The following AKAIN1 variants were observed in gnomAD, a reference collection of about 807,000 sequenced individuals.
The protein encoded by AKAIN1 is A-kinase anchor inhibitor 1.
In AKAIN1, 3 loss-of-function variants were observed where a neutral mutation model predicts 3.7. The observed-to-expected ratio is 0.82, with a 90% CI of 0.37 to 2.12. AKAIN1 has a LOEUF of 2.12. AKAIN1 is among the 30% of genes most tolerant of loss of function. The pLI, the probability that AKAIN1 is intolerant of heterozygous loss-of-function variation, is 0.06. For missense variants in AKAIN1, 82 were observed against 82.7 expected (o/e 0.99, Z 0.03); for synonymous variants, 31 against 30.8 (o/e 1.01, Z -0.02).
At chr18:5,148,034 A>C (rs1319720294) in intron 1 of AKAIN1, among the ~76,000 whole-genome samples, 1 of 152,242 alleles carries the variant, frequency 6.6e-6, no homozygotes, top group African/African-American at 2.4e-5. Flanking sequence ...TAAAATGGGC[A>C]AGTATCATTA....
intron 1 of AKAIN1, among the ~76,000 whole-genome samples, chr18:5,192,442 TTTC>T (rs1253954629): frequency 4.6e-5 from 6 of 129,138 alleles, no homozygotes; most frequent in African/African-American, 9.1e-5. Context: ...TCTTTCTTTC[TTTC>T]TTTTTCTTTT....
chr18:5,175,559 C>T (rs1161364338), intron 1 of AKAIN1, among the ~76,000 whole-genome samples: 1 of 152,104 alleles, frequency 6.6e-6, no homozygotes, highest in African/African-American at 2.4e-5. Context: ...TCAGCCCTTC[C>T]TAACTCATCA....
intron 1 of AKAIN1, among the ~76,000 whole-genome samples, chr18:5,168,105 C>T (rs1472916202): frequency 1.3e-5 from 2 of 152,042 alleles, no homozygotes; most frequent in Non-Finnish European, 2.9e-5. Flanking sequence ...AATTTTGCTC[C>T]TTTTGTTGAT....
chr18:5,189,572 A>G (rs996013628), intron 1 of AKAIN1, among the ~76,000 whole-genome samples: 3 of 152,196 alleles, frequency 2.0e-5, no homozygotes, highest in African/African-American at 4.8e-5. Flanking sequence ...GCTCTCAGGC[A>G]TGGACACAAT....
chr18:5,168,042 C>G (rs1335931256), intron 1 of AKAIN1, among the ~76,000 whole-genome samples: 2 of 152,080 alleles, frequency 1.3e-5, no homozygotes, highest in African/African-American at 2.4e-5. Flanking sequence ...TTTCCTTTCC[C>G]TGTACCCAAA....
At position 5,145,344 on chromosome 18, in the gene AKAIN1, GC is replaced by G. The variant is rs2071042362; in HGVS notation, c.*217del. The G allele has an allele frequency of 5.1e-6, 2 of 389,974 alleles. No homozygotes were observed. The highest frequency in any genetic ancestry group is 4.3e-5 in the Admixed American group (1 of 23,082). The allele number at this position is 389,974 out of a possible 1,614,324, so 24.2% of individuals were successfully genotyped here. ...TTTTGCAATTACAGTGTCATATTTG[GC>G]CCCACTATGTCTCAGAGGCACTGCA... On this transcript the variant is annotated 3_prime_UTR_variant, in exon 2 of 2. Transcript: ENST00000434239.
At chr18:5,160,486 G>A (rs2143328837) in intron 1 of AKAIN1, among the ~76,000 whole-genome samples, 1 of 152,144 alleles carries the variant, frequency 6.6e-6, no homozygotes, top group African/African-American at 2.4e-5. Context: ...TATATGTGCA[G>A]CAGATACTTC....
chr18:5,173,477 G>C (rs548514197), intron 1 of AKAIN1, among the ~76,000 whole-genome samples: 1 of 152,278 alleles, frequency 6.6e-6, no homozygotes, highest in Non-Finnish European at 1.5e-5. Context: ...TTACATTTTA[G>C]TTGGAATAAA....
At position 5,145,401 on chromosome 18, in the gene AKAIN1, T is replaced by C. The variant is rs2071042881; in HGVS notation, c.*161A>G. The C allele has an allele frequency of 2.0e-5, 12 of 595,158 alleles. No individual in the cohort carries two copies. Among genetic ancestry groups the C allele is most frequent in the Non-Finnish European group, 3.3e-5 (11 of 337,124 alleles). The allele number at this position is 595,158 out of a possible 1,614,324, so 36.9% of individuals were successfully genotyped here. The stretch of plus-strand genomic sequence containing the variant: ...ATGAACAGAATCGTCTAATGCACTT[T>C]TTCAAAACAGTGCTTCTCAGCCAGG... On this transcript the variant is annotated 3_prime_UTR_variant, in exon 2 of 2. Transcript: ENST00000434239.
Position 5,145,539 on chromosome 18 carries a change from T to C in AKAIN1, c.*23A>G. ...AGAGGAAGGCTAGAAACCAAGCACA[T>C]GTCAAGAGCCAAATCCACCATGTTA... On this transcript the variant is annotated 3_prime_UTR_variant, in exon 2 of 2. Transcript: ENST00000434239. 2 of 1,546,262 alleles carry C rather than the reference T, an allele frequency of 1.3e-6. No individual in the cohort carries two copies. The highest frequency in any genetic ancestry group is 2.7e-5 in the African/African-American group (2 of 73,048).
intron 1 of AKAIN1, among the ~76,000 whole-genome samples, chr18:5,184,371 G>T (rs138346403): frequency 6.6e-6 from 1 of 152,116 alleles, no homozygotes; most frequent in African/African-American, 2.4e-5. Flanking sequence ...ATAAATAAAA[G>T]ACATCAAATA....
rs1295444218 is a variant in AKAIN1 at position 5,143,804 on chromosome 18, T to C, written c.*1758A>G. ...AGAGAGGAAAAATAGTATGTTTATATGTTTCTGTCACTTGACAGCAAAAAC... is the reference window on the plus strand; with the variant it reads ...AGAGAGGAAAAATAGTATGTTTATACGTTTCTGTCACTTGACAGCAAAAAC... On this transcript the variant is annotated 3_prime_UTR_variant, in exon 2 of 2. Coordinates refer to ENST00000434239, the MANE Select transcript of AKAIN1 (RefSeq NM_001145194.2). 1.3e-5 allele frequency among the ~76,000 whole-genome samples: 2 copies of C among 152,246 alleles called. No individual in the cohort carries two copies. The highest frequency in any genetic ancestry group is 2.4e-5 in the African/African-American group (1 of 41,472).
rs193017285 is a variant in AKAIN1 at position 5,153,354 on chromosome 18, C to A, written c.17-7599G>T. On this transcript the variant is annotated intron_variant, in intron 1 of 1. Transcript: ENST00000434239. ...AAGGAAAGAAAAATAACAAAACAAGCAATAAGATGGATCTAATTTACCAGC... is the reference window on the plus strand; with the variant it reads ...AAGGAAAGAAAAATAACAAAACAAGAAATAAGATGGATCTAATTTACCAGC... 7.4e-3 allele frequency among the ~76,000 whole-genome samples: 1,119 copies of A among 152,120 alleles called. 11 individuals carry two copies. The highest frequency in any genetic ancestry group is 0.033 in the South Asian group (161 of 4,820).
chr18:5,159,608 A>G (rs1447696739), intron 1 of AKAIN1, among the ~76,000 whole-genome samples: 2 of 152,206 alleles, frequency 1.3e-5, no homozygotes, highest in Admixed American at 1.3e-4. Context: ...AGAACTTACA[A>G]TGACAACACT....
chr18:5,185,267 T>C (rs867476084), intron 1 of AKAIN1, among the ~76,000 whole-genome samples: 2 of 152,192 alleles, frequency 1.3e-5, no homozygotes, highest in African/African-American at 2.4e-5. Context: ...GGAAATACCA[T>C]TTGGGACATA....
At chr18:5,155,012 A>G (rs1452777670) in intron 1 of AKAIN1, among the ~76,000 whole-genome samples, 2 of 151,888 alleles carry the variant, frequency 1.3e-5, no homozygotes, top group Non-Finnish European at 2.9e-5. Flanking sequence ...TTTCTGTTTA[A>G]CCCTTAGGGA....
At chr18:5,184,717 T>A (rs780361960) in intron 1 of AKAIN1, among the ~76,000 whole-genome samples, 4 of 152,048 alleles carry the variant, frequency 2.6e-5, no homozygotes, top group Non-Finnish European at 5.9e-5. Context: ...GGAAAAACAT[T>A]CCATGCTCAA....
At chr18:5,196,644 G>T (rs568353984) in intron 1 of AKAIN1, among the ~76,000 whole-genome samples, 1 of 152,340 alleles carries the variant, frequency 6.6e-6, no homozygotes, top group South Asian at 2.1e-4. Context: ...GGGGGAAGTA[G>T]CAGTGAGGGA....
Position 5,144,694 on chromosome 18 carries a change from C to T in AKAIN1, c.*868G>A, listed in dbSNP as rs997197588. On this transcript the variant is annotated 3_prime_UTR_variant, in exon 2 of 2. Coordinates refer to ENST00000434239, the MANE Select transcript of AKAIN1 (RefSeq NM_001145194.2). Reference sequence around the variant, plus strand: ...CAGCATTCGTTAAGGACCCCAGAATCCCTTCCAAGGATGTTGCACCCCATA... The same window carrying T: ...CAGCATTCGTTAAGGACCCCAGAATTCCTTCCAAGGATGTTGCACCCCATA... Among the ~76,000 whole-genome samples, 1 of 152,182 alleles carries T rather than the reference C, an allele frequency of 6.6e-6. No homozygotes were observed. The highest frequency in any genetic ancestry group is 2.4e-5 in the African/African-American group (1 of 41,424).
Sources: allele counts gnomAD v4.1 joint callset (sites outside exome capture counted in the v4.1 genomes callset), GRCh38; gene constraint gnomAD v4.1.1; transcripts MANE v1.5; gene names NCBI Gene and HGNC (gene_info 2026-07-23, HGNC 2026-07-21).